Variants in IHO1 observed in about 807,000 individuals in gnomAD.
IHO1 encodes interactor of HORMAD1 1.
IHO1 carries 13 observed loss-of-function variants against 31.0 expected under a neutral mutation model. That is an observed-to-expected ratio of 0.42 (90% CI 0.27 to 0.67). The LOEUF (loss-of-function observed/expected upper bound fraction) is 0.67, where lower values mean the gene tolerates loss of function less well. Among genes scored for constraint, IHO1 ranks in the 30% least tolerant of loss-of-function variants. The pLI, the probability that IHO1 is intolerant of heterozygous loss-of-function variation, is 0.24. For synonymous variants in IHO1, 221 were observed against 248.4 expected (o/e 0.89, Z 1.04); for missense variants, 599 against 687.5 (o/e 0.87, Z 1.44).
chr3:49,254,685 C>A lies in IHO1; in HGVS notation c.533-705C>A, dbSNP rs553419670. Among the ~76,000 whole-genome samples the A allele has an allele frequency of 5.3e-5, 8 of 152,146 alleles. No homozygotes were observed. The South Asian group carries it at 1.7e-3, about 32-fold the overall frequency. ...AAGAGTCCAGAGACATGGAGGAGGACAAATGGGTAAAGGGAAGTGAGCCCA... is the reference window on the plus strand; with the variant it reads ...AAGAGTCCAGAGACATGGAGGAGGAAAAATGGGTAAAGGGAAGTGAGCCCA... On this transcript the variant is annotated intron_variant, in intron 6 of 7. Coordinates refer to ENST00000452691, the MANE Select transcript of IHO1 (RefSeq NM_001135197.2).
rs1238396065 is a variant in IHO1, at chr3:49,221,512, T to TC, written c.56+9682dup. Among the ~76,000 whole-genome samples the TC allele has an allele frequency of 2.6e-5, 4 of 151,976 alleles. No homozygotes were observed. The East Asian group carries it at 5.8e-4, about 22-fold the overall frequency. On this transcript the variant is annotated intron_variant, in intron 2 of 7. Transcript: ENST00000452691. ...AAGTCCAGCTGGATTCACCTCTCAA[T>TC]CCCCCCTCTAAACAGGACACCCCAA...
intron 3 of IHO1, among the ~76,000 whole-genome samples, chr3:49,237,844 A>C (rs1345316790): frequency 7.4e-6 from 1 of 135,648 alleles, no homozygotes; most frequent in African/African-American, 2.8e-5. Flanking sequence ...TGAGGAACAG[A>C]GTCTCTTGAA....
intron 2 of IHO1, among the ~76,000 whole-genome samples, chr3:49,221,775 A>C (rs1174514526): frequency 6.6e-6 from 1 of 152,236 alleles, no homozygotes; most frequent in Non-Finnish European, 1.5e-5. Context: ...TTTGACAAGG[A>C]TGTTAAAACA....
At chr3:49,235,067 G>A (rs1482789683) in intron 2 of IHO1, among the ~76,000 whole-genome samples, 7 of 151,854 alleles carry the variant, frequency 4.6e-5, no homozygotes, top group Non-Finnish European at 1.0e-4. Context: ...GGCTGGTCTC[G>A]AACTCCTAAC....
At chr3:49,245,424 G>A (rs2046682883) in intron 6 of IHO1, 2 of 152,340 alleles carry the variant, frequency 1.3e-5, no homozygotes, top group African/African-American at 2.4e-5. Context: ...CTGACCTCGT[G>A]ATCTGCCCGC....
At chr3:49,221,431 C>A (rs986758922) in intron 2 of IHO1, among the ~76,000 whole-genome samples, 1 of 152,196 alleles carries the variant, frequency 6.6e-6, no homozygotes, top group Admixed American at 6.5e-5. Context: ...CTGATTGGTG[C>A]AGTTACAATC....
chr3:49,232,858 G>A (rs566029440), intron 2 of IHO1, among the ~76,000 whole-genome samples: 29 of 152,252 alleles, frequency 1.9e-4, no homozygotes, highest in East Asian at 7.7e-4. Context: ...TTTATTGGGC[G>A]TATTTATCAA....
At chr3:49,229,197 A>G (rs2046453565) in intron 2 of IHO1, among the ~76,000 whole-genome samples, 1 of 152,196 alleles carries the variant, frequency 6.6e-6, no homozygotes, top group Non-Finnish European at 1.5e-5. Flanking sequence ...CTCTAGCTAG[A>G]CAGAAAAGTT....
intron 6 of IHO1, among the ~76,000 whole-genome samples, chr3:49,247,193 C>T (rs532326432): frequency 6.6e-6 from 1 of 151,650 alleles, no homozygotes; most frequent in Admixed American, 6.6e-5. Flanking sequence ...AGAGGCCGGG[C>T]GTGGTGGCTC....
At chr3:49,221,047 T>C (rs9869504) in intron 2 of IHO1, among the ~76,000 whole-genome samples, 7,209 of 152,320 alleles carry the variant, frequency 0.047, 584 homozygotes, top group African/African-American at 0.16. Flanking sequence ...AGTGAGCTGA[T>C]TGGCCCATTT....
At chr3:49,246,179 CAAAAAA>C (rs71278650) in intron 6 of IHO1, among the ~76,000 whole-genome samples, 6 of 47,776 alleles carry the variant, frequency 1.3e-4, no homozygotes, top group Non-Finnish European at 2.7e-4. Flanking sequence ...GAGACTCCGT[CAAAAAA>C]AAAAAAAAAA....
intron 2 of IHO1, among the ~76,000 whole-genome samples, chr3:49,226,516 G>A (rs1412281154): frequency 6.6e-6 from 1 of 152,100 alleles, no homozygotes; most frequent in Non-Finnish European, 1.5e-5. Flanking sequence ...AGTCCTTCTA[G>A]AACACAGGTC....
intron 1 of IHO1, among the ~76,000 whole-genome samples, chr3:49,202,003 G>A (rs545719879): frequency 6.6e-6 from 1 of 152,236 alleles, no homozygotes; most frequent in South Asian, 2.1e-4. Context: ...TAGTTCCTAA[G>A]TTTTTAACTC....
At chr3:49,235,507 C>T (rs1267960655) in intron 2 of IHO1, among the ~76,000 whole-genome samples, 3 of 151,994 alleles carry the variant, frequency 2.0e-5, no homozygotes, top group Non-Finnish European at 4.4e-5. Context: ...GGATTACAGG[C>T]GTGAGCCACC....
intron 1 of IHO1, among the ~76,000 whole-genome samples, chr3:49,206,024 C>T (rs1039230733): frequency 2.0e-5 from 3 of 151,934 alleles, no homozygotes; most frequent in African/African-American, 4.8e-5. Flanking sequence ...AGTGCAGTGG[C>T]GCGATCTCGG....
chr3:49,230,040 G>T (rs755995364), intron 2 of IHO1, among the ~76,000 whole-genome samples: 2 of 152,164 alleles, frequency 1.3e-5, no homozygotes, highest in Non-Finnish European at 2.9e-5. Flanking sequence ...CCAAGGTTTA[G>T]GATATCATTT....
intron 1 of IHO1, among the ~76,000 whole-genome samples, chr3:49,203,310 G>C (rs917915427): frequency 6.6e-6 from 1 of 152,216 alleles, no homozygotes; most frequent in South Asian, 2.1e-4. Flanking sequence ...GAAAACAACA[G>C]TGAGGAGCCC....
intron 1 of IHO1, among the ~76,000 whole-genome samples, chr3:49,201,865 C>G (rs1163486030): frequency 1.3e-5 from 2 of 152,116 alleles, no homozygotes; most frequent in Non-Finnish European, 2.9e-5. Flanking sequence ...TTGTAGTGAG[C>G]CAAGATCGCA....
chr3:49,237,599 A>AAT (rs2046575197), intron 3 of IHO1, among the ~76,000 whole-genome samples: 2 of 151,788 alleles, frequency 1.3e-5, no homozygotes, highest in South Asian at 2.1e-4. Flanking sequence ...GGGAGAGGCA[A>AAT]ATATATATAC....
Sources: allele counts gnomAD v4.1 joint callset (sites outside exome capture counted in the v4.1 genomes callset), GRCh38; gene constraint gnomAD v4.1.1; transcripts MANE v1.5; gene names NCBI Gene and HGNC (gene_info 2026-07-23, HGNC 2026-07-21).